PPT2: variants seen among roughly 807,000 people sequenced by gnomAD.
PPT2 encodes palmitoyl-protein thioesterase 2, also known as lysosomal thioesterase PPT2.
PPT2 carries 20 observed loss-of-function variants against 37.3 expected under a neutral mutation model. The ratio of observed to expected loss-of-function variants is 0.54; its 90% CI spans 0.38 to 0.78. The LOEUF (loss-of-function observed/expected upper bound fraction) is 0.78. PPT2 is among the 30% of genes least tolerant of loss of function. The pLI is 0.00. For missense variants in PPT2, 270 were observed against 389.8 expected, an observed-to-expected ratio of 0.69 and a Z score of 2.59; for synonymous variants, 135 against 159.1, an observed-to-expected ratio of 0.85 and a Z score of 1.14.
Position 32,159,363 on chromosome 6 carries a change from G to A in PPT2, c.710+1439G>A, listed in dbSNP as rs1223038139. Among the ~76,000 whole-genome samples, 4 of 146,084 alleles carry A rather than the reference G, an allele frequency of 2.7e-5. No individual in the cohort carries two copies. The Admixed American group carries it at 2.8e-4, about 10-fold the overall frequency. On this transcript the variant is annotated intron_variant, in intron 7 of 8. Transcript: ENST00000324816. The stretch of plus-strand genomic sequence containing the variant: ...CAGGAGAATCGCTTGAACCTGGGAG[G>A]CAGAGGTTGCAGTGAGCTGAGATTG...
At position 32,162,833 on chromosome 6, in the gene PPT2, G is replaced by A; in HGVS notation, c.792G>A (p.Leu264=). Residue 264 remains leucine, a synonymous_variant, in exon 9 of 9, where the codon TTG becomes TTA. Transcript: ENST00000324816. This position sits in a 1 kb window ranked among gnomAD's most constrained non-coding sequence, Gnocchi z 5.5. ...TTTATCTGCGGGATTCTTTTGGGTTGAAGACTCTATTGGCCCGGGGGGCCA... is the reference window on the plus strand; with the variant it reads ...TTTATCTGCGGGATTCTTTTGGGTTAAAGACTCTATTGGCCCGGGGGGCCA... ...QLVYLRDSFG[L]KTLLARGAIV... 6.2e-7 allele frequency: 1 copy of A among 1,613,944 alleles called. No individual in the cohort carries two copies. Among genetic ancestry groups the A allele is most frequent in the South Asian group, 1.1e-5 (1 of 91,054 alleles).
chr6:32,154,830 G>C lies in PPT2; in HGVS notation c.183+53G>C. The C allele has an allele frequency of 6.3e-7, 1 of 1,575,796 alleles. No individual in the cohort carries two copies. Among genetic ancestry groups the C allele is most frequent in the Non-Finnish European group, 8.6e-7 (1 of 1,156,078 alleles). Reference sequence around the variant, plus strand: ...GCGTTAGAGGCGTCTACTGTGGCAGGGGAGGGAGAGCGGGGAACTGAAAGC... The same window carrying C: ...GCGTTAGAGGCGTCTACTGTGGCAGCGGAGGGAGAGCGGGGAACTGAAAGC... On this transcript the variant is annotated intron_variant, in intron 2 of 8. Transcript: ENST00000324816. The surrounding 1 kb of genome is among the most constrained non-coding windows in gnomAD (Gnocchi z 7.3).
At chr6:32,160,720 A>G (rs980417984) in intron 7 of PPT2, among the ~76,000 whole-genome samples, 14 of 151,734 alleles carry the variant, frequency 9.2e-5, no homozygotes, top group African/African-American at 3.4e-4. Flanking sequence ...ATAATTTCAT[A>G]CTTAAGAAAA....
Position 32,162,792 on chromosome 6 carries a change from T to G in PPT2, c.766-15T>G. The stretch of plus-strand genomic sequence containing the variant: ...CTCTCTTCCATGCTTCCACGCCCCT[T>G]CGACCACCTTGAAGGTTTATCTGCG... On this transcript the variant is annotated splice_polypyrimidine_tract_variant and intron_variant, in intron 8 of 8. Coordinates refer to ENST00000324816, the MANE Select transcript of PPT2 (RefSeq NM_005155.7). The surrounding 1 kb of genome is among the most constrained non-coding windows in gnomAD (Gnocchi z 5.5). 6.2e-7 allele frequency: 1 copy of G among 1,612,188 alleles called. No homozygotes were observed. The highest frequency in any genetic ancestry group is 8.5e-7 in the Non-Finnish European group (1 of 1,179,130).
intron 7 of PPT2, among the ~76,000 whole-genome samples, chr6:32,160,186 A>G (rs2127394350): frequency 6.7e-6 from 1 of 149,290 alleles, no homozygotes; most frequent in Admixed American, 6.7e-5. Context: ...CTGGGACTAC[A>G]GGCACCCGCC....
chr6:32,160,987 C>CA (rs9281663), intron 7 of PPT2, among the ~76,000 whole-genome samples: 25,367 of 106,846 alleles, frequency 0.24, 2,313 homozygotes, highest in Non-Finnish European at 0.27. Context: ...GACCCTGTCT[C>CA]AAAAAAAAAA....
chr6:32,157,422 A>G, intron 5 of PPT2: 1 of 592,818 alleles, frequency 1.7e-6, no homozygotes, highest in South Asian at 2.0e-5. Flanking sequence ...CATGTTAGCC[A>G]GGCTGGTCTC....
chr6:32,157,941 T>C lies in PPT2; in HGVS notation c.710+17T>C. The C allele has an allele frequency of 6.3e-7, 1 of 1,591,910 alleles. No homozygotes were observed. The highest frequency in any genetic ancestry group is 8.6e-7 in the Non-Finnish European group (1 of 1,162,114). On this transcript the variant is annotated intron_variant, in intron 7 of 8. Transcript: ENST00000324816. The stretch of plus-strand genomic sequence containing the variant: ...GCAGTCCAGGTAATAAGGGATTTTG[T>C]GGCCTGAAGATTGGCTAAAGACATC...
chr6:32,160,079 C>T (rs1290393275), intron 7 of PPT2, among the ~76,000 whole-genome samples: 2 of 149,932 alleles, frequency 1.3e-5, no homozygotes, highest in African/African-American at 4.9e-5. Flanking sequence ...AGTCTTCGCT[C>T]GGTCGCCCAG....
intron 7 of PPT2, among the ~76,000 whole-genome samples, chr6:32,159,801 A>G (rs1373451973): frequency 2.7e-5 from 4 of 150,828 alleles, no homozygotes; most frequent in Non-Finnish European, 4.4e-5. Context: ...GGCTCACTGC[A>G]ACCTCCGCCT....
chr6:32,163,039 G>T lies in PPT2; in HGVS notation c.*89G>T, dbSNP rs1436330296. The T allele has an allele frequency of 1.4e-6, 2 of 1,412,396 alleles. No homozygotes were observed. Among genetic ancestry groups the T allele is most frequent in the Non-Finnish European group, 1.9e-6 (2 of 1,033,504 alleles). 87.5% of individuals were successfully genotyped at this position (1,412,396 alleles called of 1,614,324 possible). A position where few individuals can be genotyped will look rare whatever the true frequency, so the allele number is the denominator to read the frequency against. ...AGATGTCAGGCTTTGGTGTGCCTGT[G>T]ACCACCTCATTGCTCCCATATTATC... On this transcript the variant is annotated 3_prime_UTR_variant, in exon 9 of 9. Transcript: ENST00000324816.
chr6:32,155,104 G>A lies in PPT2; in HGVS notation c.258G>A (p.Gln86=). 1 of 1,613,142 alleles carries A rather than the reference G, an allele frequency of 6.2e-7. No homozygotes were observed. Among genetic ancestry groups the A allele is most frequent in the Admixed American group, 1.7e-5 (1 of 60,034 alleles). The part of the protein sequence containing the change: ...GRESLRPLWE[Q]VQGFREAVVP... ...AGAGCTTGCGACCCCTGTGGGAACA[G>A]GTGCAAGGGTTCCGAGAGGCTGTGG... Residue 86 remains glutamine, a synonymous_variant, in exon 3 of 9, where the codon CAG becomes CAA. Coordinates refer to ENST00000324816, the MANE Select transcript of PPT2 (RefSeq NM_005155.7). This position sits in a 1 kb window ranked among gnomAD's most constrained non-coding sequence, Gnocchi z 4.3.
At chr6:32,161,869 C>T (rs1185691585) in intron 7 of PPT2, among the ~76,000 whole-genome samples, 1 of 152,160 alleles carries the variant, frequency 6.6e-6, no homozygotes, top group Non-Finnish European at 1.5e-5. Context: ...CAGGCTTGAG[C>T]CACCACGCCC....
chr6:32,163,044 C>T lies in PPT2; in HGVS notation c.*94C>T. 2 of 1,364,882 alleles carry T rather than the reference C, an allele frequency of 1.5e-6. No individual in the cohort carries two copies. The highest frequency in any genetic ancestry group is 2.0e-6 in the Non-Finnish European group (2 of 994,982). 84.5% of individuals were successfully genotyped at this position (1,364,882 alleles called of 1,614,324 possible). A position where few individuals can be genotyped will look rare whatever the true frequency, so the allele number is the denominator to read the frequency against. On this transcript the variant is annotated 3_prime_UTR_variant, in exon 9 of 9. Coordinates refer to ENST00000324816, the MANE Select transcript of PPT2 (RefSeq NM_005155.7). The stretch of plus-strand genomic sequence containing the variant: ...TCAGGCTTTGGTGTGCCTGTGACCA[C>T]CTCATTGCTCCCATATTATCCCCCA...
At position 32,162,516 on chromosome 6, in the gene PPT2, G is replaced by C. The variant is rs925899466; in HGVS notation, c.711-52G>C. On this transcript the variant is annotated intron_variant, in intron 7 of 8. Transcript: ENST00000324816. The surrounding 1 kb of genome is among the most constrained non-coding windows in gnomAD (Gnocchi z 5.5). ...ATTACAGGCGTGTGCCACTGCGCCC[G>C]GCCAGATTTTCTCCAGCTCTTCTGA... 3.9e-6 allele frequency: 6 copies of C among 1,540,182 alleles called. No homozygotes were observed. In the African/African-American group the frequency reaches 6.8e-5, roughly 18 times the overall value.
intron 7 of PPT2, among the ~76,000 whole-genome samples, chr6:32,161,346 A>G (rs1047533058): frequency 6.6e-6 from 1 of 152,100 alleles, no homozygotes; most frequent in Non-Finnish European, 1.5e-5. Context: ...GCTGGAGTGC[A>G]ATGGCAAATC....
Position 32,162,627 on chromosome 6 carries a change from G to GC in PPT2, c.765+10dup. 6.2e-7 allele frequency: 1 copy of GC among 1,604,558 alleles called. No homozygotes were observed. The highest frequency in any genetic ancestry group is 8.5e-7 in the Non-Finnish European group (1 of 1,171,314). On this transcript the variant is annotated splice_donor_region_variant and intron_variant, in intron 8 of 8. Transcript: ENST00000324816. This position sits in a 1 kb window ranked among gnomAD's most constrained non-coding sequence, Gnocchi z 5.5. ...CTGGAGATGGAGGAGCAACTGGTGA[G>GC]CCCCCTGGGATTACTTCCCCTTCTA...
intron 5 of PPT2, chr6:32,157,377 T>G: frequency 1.9e-6 from 1 of 534,938 alleles, no homozygotes; most frequent in East Asian, 3.2e-5. Flanking sequence ...CACGCCTGGC[T>G]AACTTTTGTA....
chr6:32,154,694 G>A lies in PPT2; in HGVS notation c.100G>A (p.Ala34Thr). 2 of 1,613,080 alleles carry A rather than the reference G, an allele frequency of 1.2e-6. No individual in the cohort carries two copies. The highest frequency in any genetic ancestry group is 1.7e-6 in the Non-Finnish European group (2 of 1,180,012). ...LLLAAPAPHRASYKPVIVVHG... is the reference protein window; with the variant it reads ...LLLAAPAPHRTSYKPVIVVHG... ...GCTTGCAGCCCCCGCGCCCCACCGC[G>A]CGTCCTACAAGCCGGTCATCGTGGT... Residue 34 changes from alanine to threonine, a missense_variant, in exon 2 of 9, where the codon GCG (alanine) becomes ACG (threonine). Physicochemically the swap from Ala to Thr is moderately conservative, Grantham distance 58 (BLOSUM62 0). Coordinates refer to ENST00000324816, the MANE Select transcript of PPT2 (RefSeq NM_005155.7). This position sits in a 1 kb window ranked among gnomAD's most constrained non-coding sequence, Gnocchi z 7.3.
Sources: allele counts gnomAD v4.1 joint callset (sites outside exome capture counted in the v4.1 genomes callset), GRCh38; gene constraint gnomAD v4.1.1; non-coding constraint Gnocchi (gnomAD v3.1); transcripts MANE v1.5; gene names NCBI Gene and HGNC (gene_info 2026-07-23, HGNC 2026-07-21).